Variants in FGF12 observed in about 807,000 individuals in gnomAD.
The protein encoded by FGF12 is fibroblast growth factor 12B.
FGF12 carries 14 observed loss-of-function variants against 23.6 expected under a neutral mutation model. The ratio of observed to expected loss-of-function variants is 0.59; its 90% CI spans 0.39 to 0.93. The LOEUF (loss-of-function observed/expected upper bound fraction) is 0.93. FGF12 is among the 40% of genes least tolerant of loss of function. The pLI is 0.00. For missense variants in FGF12, 175 were observed against 217.8 expected, an observed-to-expected ratio of 0.80 and a Z score of 1.24; for synonymous variants, 62 against 77.3, an observed-to-expected ratio of 0.80 and a Z score of 1.04.
intron 2 of FGF12, among the ~76,000 whole-genome samples, chr3:192,716,319 G>A (rs1326172874): frequency 6.6e-6 from 1 of 152,058 alleles, no homozygotes; most frequent in Non-Finnish European, 1.5e-5. Flanking sequence ...AGCCAACAAC[G>A]TCAACATCCC....
At chr3:192,566,035 G>A (rs1427237723) in intron 2 of FGF12, among the ~76,000 whole-genome samples, 10 of 152,192 alleles carry the variant, frequency 6.6e-5, no homozygotes, top group Admixed American at 5.9e-4. Context: ...GCGGTGAGCC[G>A]AGATTGCGCC....
At chr3:192,454,361 C>T (rs73068374) in intron 2 of FGF12, among the ~76,000 whole-genome samples, 5,520 of 152,172 alleles carry the variant, frequency 0.036, 346 homozygotes, top group African/African-American at 0.13. Flanking sequence ...CAAGAAAGGC[C>T]TGCATGTTCT....
At chr3:192,301,122 G>A (rs545271086) in intron 4 of FGF12, among the ~76,000 whole-genome samples, 1 of 152,130 alleles carries the variant, frequency 6.6e-6, no homozygotes, top group African/African-American at 2.4e-5. Flanking sequence ...ATGAGGTATT[G>A]AAAGTCCAAA....
chr3:192,156,862 G>A (rs552926811), intron 5 of FGF12, among the ~76,000 whole-genome samples: 7 of 152,112 alleles, frequency 4.6e-5, no homozygotes, highest in Admixed American at 6.6e-5. Context: ...TCAAATCAAA[G>A]CACACTCTTA....
chr3:192,229,262 C>T (rs976855015), intron 4 of FGF12, among the ~76,000 whole-genome samples: 19 of 151,588 alleles, frequency 1.3e-4, no homozygotes, highest in Non-Finnish European at 1.8e-4. Context: ...TCCATTTTAC[C>T]AAGCCATACT....
chr3:192,271,135 TAA>T (rs1000000953), intron 4 of FGF12, among the ~76,000 whole-genome samples: 2 of 152,172 alleles, frequency 1.3e-5, no homozygotes, highest in African/African-American at 4.8e-5. Flanking sequence ...GGACATTGTA[TAA>T]GACATCCATG....
At chr3:192,451,548 T>C (rs1200372756) in intron 2 of FGF12, among the ~76,000 whole-genome samples, 1 of 152,214 alleles carries the variant, frequency 6.6e-6, no homozygotes, top group African/African-American at 2.4e-5. Context: ...TGATGATTAG[T>C]AGACCCTTAG....
chr3:192,628,185 T>G (rs780155868), intron 2 of FGF12, among the ~76,000 whole-genome samples: 1 of 152,130 alleles, frequency 6.6e-6, no homozygotes, highest in African/African-American at 2.4e-5. Flanking sequence ...AATAGTTTGT[T>G]TCTTTTTATT....
chr3:192,467,992 C>T (rs532291622), intron 2 of FGF12, among the ~76,000 whole-genome samples: 1 of 152,302 alleles, frequency 6.6e-6, no homozygotes, highest in Non-Finnish European at 1.5e-5. Context: ...GATGAAAGGG[C>T]GTGGACCTTG....
intron 4 of FGF12, among the ~76,000 whole-genome samples, chr3:192,195,769 T>G (rs926861458): frequency 6.6e-6 from 1 of 152,134 alleles, no homozygotes; most frequent in Admixed American, 6.5e-5. Context: ...TGTATGTGTG[T>G]ATACACACAC....
rs964261487 is a variant in FGF12 at position 192,360,631 on chromosome 3, A to G, written c.14-93T>C. 2 of 811,022 alleles carry G rather than the reference A, an allele frequency of 2.5e-6. No homozygotes were observed. Among genetic ancestry groups the G allele is most frequent in the African/African-American group, 1.7e-5 (1 of 59,062 alleles). The allele number at this position is 811,022 out of a possible 1,614,324, so 50.2% of individuals were successfully genotyped here. A position where few individuals can be genotyped will look rare whatever the true frequency, so the allele number is the denominator to read the frequency against. On this transcript the variant is annotated intron_variant, in intron 2 of 5. Transcript: ENST00000445105. This position sits in a 1 kb window ranked among gnomAD's most constrained non-coding sequence, Gnocchi z 4.3. The stretch of plus-strand genomic sequence containing the variant: ...AAACATCCTGTAAGTAAATACGTAA[A>G]TGCCAATAGCTTAAATATTGAATTA...
At chr3:192,504,029 T>C (rs1724215872) in intron 2 of FGF12, among the ~76,000 whole-genome samples, 1 of 152,062 alleles carries the variant, frequency 6.6e-6, no homozygotes, top group Admixed American at 6.6e-5. Flanking sequence ...TGAGATTACG[T>C]TCTTTGCAGC....
At chr3:192,513,808 A>G (rs1449350463) in intron 2 of FGF12, among the ~76,000 whole-genome samples, 3 of 152,196 alleles carry the variant, frequency 2.0e-5, no homozygotes, top group Admixed American at 6.5e-5. Context: ...TAAAAGGAAA[A>G]TCAAGACACA....
intron 3 of FGF12, among the ~76,000 whole-genome samples, chr3:192,347,643 T>C (rs555444117): frequency 2.2e-4 from 33 of 152,302 alleles, no homozygotes; most frequent in African/African-American, 7.9e-4. Flanking sequence ...GTTAATCTTA[T>C]CTAAATTAGA....
At chr3:192,490,489 G>A (rs79875730) in intron 2 of FGF12, among the ~76,000 whole-genome samples, 9,394 of 151,688 alleles carry the variant, frequency 0.062, 997 homozygotes, top group African/African-American at 0.22. Flanking sequence ...GTATACATGT[G>A]TATGTATGTG....
chr3:192,447,559 A>C (rs998774897), intron 2 of FGF12, among the ~76,000 whole-genome samples: 1 of 152,218 alleles, frequency 6.6e-6, no homozygotes, highest in African/African-American at 2.4e-5. Context: ...TGGTTTACAT[A>C]GTGGCAATAA....
intron 3 of FGF12, among the ~76,000 whole-genome samples, chr3:192,349,465 C>T (rs1718109055): frequency 6.6e-6 from 1 of 151,782 alleles, no homozygotes; most frequent in South Asian, 2.1e-4. Flanking sequence ...TTTCTTTTTC[C>T]TGCAACATAT....
At chr3:192,305,129 T>C (rs1294358857) in intron 4 of FGF12, among the ~76,000 whole-genome samples, 1 of 152,092 alleles carries the variant, frequency 6.6e-6, no homozygotes, top group Admixed American at 6.6e-5. Flanking sequence ...AACTAAATTG[T>C]TATAAATGCA....
chr3:192,648,014 C>A (rs1374021793), intron 2 of FGF12, among the ~76,000 whole-genome samples: 2 of 151,794 alleles, frequency 1.3e-5, no homozygotes, highest in African/African-American at 4.8e-5. Flanking sequence ...GAAAGAATAG[C>A]CCCATTTCAC....
Sources: gnomAD v4.1 joint callset for allele counts (sites outside exome capture counted in the v4.1 genomes callset) on GRCh38, gnomAD v4.1.1 for gene constraint, Gnocchi (gnomAD v3.1) non-coding constraint, MANE v1.5 for transcripts, NCBI Gene and HGNC (gene_info 2026-07-23, HGNC 2026-07-21) for gene names.